The following KDM4C variants were observed in gnomAD, a reference collection of about 807,000 sequenced individuals.
KDM4C encodes lysine-specific demethylase 4C.
Under a neutral mutation model 129.3 loss-of-function variants are expected in KDM4C, and 81 were observed. The observed-to-expected ratio is 0.63, with a 90% CI of 0.52 to 0.75. KDM4C has a LOEUF of 0.75. Ranked by LOEUF, KDM4C falls within the 30% of genes least tolerant of loss-of-function variation. The probability of loss-of-function intolerance (pLI) is 0.00; values close to 1 mark genes in which losing one functional copy is unlikely to be tolerated. For missense variants in KDM4C, 1,457 were observed against 1,304.0 expected (o/e 1.12, Z -1.81); for synonymous variants, 573 against 456.1 (o/e 1.26, Z -3.26).
At chr9:6,834,965 CT>C in intron 4 of KDM4C, 1 of 1,002,210 alleles carries the variant, frequency 1.0e-6, no homozygotes, top group Non-Finnish European at 1.6e-6. Flanking sequence ...GGGATATGCC[CT>C]CCCCCACACC....
At chr9:7,102,148 C>G in intron 17 of KDM4C, among the ~76,000 whole-genome samples, 1 of 152,008 alleles carries the variant, frequency 6.6e-6, no homozygotes, top group Non-Finnish European at 1.5e-5. Context: ...GCCACATCCT[C>G]AACCTCCACT....
intron 8 of KDM4C, among the ~76,000 whole-genome samples, chr9:6,902,425 C>G (rs1563785723): frequency 6.6e-6 from 1 of 152,112 alleles, no homozygotes; most frequent in Non-Finnish European, 1.5e-5. Flanking sequence ...GTAAAAAACC[C>G]AACATAATCA....
At chr9:7,165,974 C>G (rs1194417753) in intron 20 of KDM4C, among the ~76,000 whole-genome samples, 2 of 152,198 alleles carry the variant, frequency 1.3e-5, no homozygotes, top group Non-Finnish European at 2.9e-5. Flanking sequence ...AAATGAATTA[C>G]TTTTATTTCA....
chr9:7,088,475 A>G (rs1835407424), intron 17 of KDM4C, among the ~76,000 whole-genome samples: 2 of 152,196 alleles, frequency 1.3e-5, no homozygotes, highest in South Asian at 2.1e-4. Flanking sequence ...TTTCAAAACT[A>G]TTTGACTTCT....
intron 20 of KDM4C, among the ~76,000 whole-genome samples, chr9:7,168,818 A>G (rs1188819607): frequency 6.6e-6 from 1 of 152,134 alleles, no homozygotes; most frequent in East Asian, 1.9e-4. Context: ...TAATCCCAAC[A>G]CTTTGGGAGG....
chr9:7,096,513 C>T (rs1205430404), intron 17 of KDM4C, among the ~76,000 whole-genome samples: 1 of 152,108 alleles, frequency 6.6e-6, no homozygotes, highest in Non-Finnish European at 1.5e-5. Flanking sequence ...TGCCCTTATT[C>T]CTGTGCCAAG....
At chr9:6,971,293 C>G (rs1442939186) in intron 8 of KDM4C, among the ~76,000 whole-genome samples, 1 of 151,976 alleles carries the variant, frequency 6.6e-6, no homozygotes, top group Admixed American at 6.6e-5. Context: ...GAACATGGGG[C>G]TGATTTCAGC....
At chr9:6,904,522 G>GGC (rs1369647783) in intron 8 of KDM4C, among the ~76,000 whole-genome samples, 3 of 151,628 alleles carry the variant, frequency 2.0e-5, no homozygotes, top group Non-Finnish European at 2.9e-5. Context: ...TCATGGCTCT[G>GGC]TTTGCATTCC....
chr9:6,720,925 G>A (rs1816926087), exon 1 of KDM4C: 2 of 1,550,614 alleles, frequency 1.3e-6, no homozygotes, highest in Non-Finnish European at 1.7e-6. Context: ...CTGCATTCAT[G>A]TGGAAGAGGC....
At position 6,728,001 on chromosome 9, in the gene KDM4C, A is replaced by C. The variant is rs998726199; in HGVS notation, c.49+7004A>C. Among the ~76,000 whole-genome samples the C allele has an allele frequency of 6.0e-5, 9 of 148,928 alleles. No individual in the cohort carries two copies. In the South Asian group the frequency reaches 1.3e-3, roughly 21 times the overall value. ...TTCCCCTCCCCCAATAAGACCGTTT[A>C]AGTGTGTGTTAAACCACTACAGAAT... On this transcript the variant is annotated intron_variant, in intron 1 of 17. Coordinates refer to the KDM4C transcript ENST00000536108.
intron 12 of KDM4C, among the ~76,000 whole-genome samples, chr9:7,003,119 C>T (rs1473212685): frequency 6.6e-6 from 1 of 152,126 alleles, no homozygotes; most frequent in Non-Finnish European, 1.5e-5. Context: ...ATCTGCCTCG[C>T]CCTCCCAAAG....
At chr9:6,890,519 A>G (rs1845966924) in intron 7 of KDM4C, among the ~76,000 whole-genome samples, 1 of 152,196 alleles carries the variant, frequency 6.6e-6, no homozygotes, top group African/African-American at 2.4e-5. Flanking sequence ...CATTTAGATT[A>G]TATCCACTCT....
chr9:7,000,190 C>A (rs1174954011), intron 12 of KDM4C, among the ~76,000 whole-genome samples: 1 of 152,118 alleles, frequency 6.6e-6, no homozygotes, highest in Non-Finnish European at 1.5e-5. Context: ...GTAAATTCCA[C>A]TGGAAGTCCC....
upstream of KDM4C, among the ~76,000 whole-genome samples, chr9:6,754,695 T>C (rs1423717786): frequency 6.6e-6 from 1 of 151,650 alleles, no homozygotes; most frequent in Non-Finnish European, 1.5e-5. Context: ...GGCAACATAG[T>C]GAGACCCTGA....
chr9:7,090,979 A>G (rs182074127), intron 17 of KDM4C, among the ~76,000 whole-genome samples: 64 of 152,338 alleles, frequency 4.2e-4, no homozygotes, highest in South Asian at 1.0e-3. Flanking sequence ...AACTATTAAT[A>G]CTAGTGGAGC....
chr9:6,733,729 G>A (rs1382969468), intron 1 of KDM4C, among the ~76,000 whole-genome samples: 3 of 152,214 alleles, frequency 2.0e-5, no homozygotes, highest in Admixed American at 1.3e-4. Context: ...AGGAATAAAA[G>A]AATGGCTATT....
At chr9:6,736,515 A>G (rs1367993231) in intron 1 of KDM4C, among the ~76,000 whole-genome samples, 1 of 152,132 alleles carries the variant, frequency 6.6e-6, no homozygotes, top group Non-Finnish European at 1.5e-5. Flanking sequence ...GGGCCAAGGT[A>G]CAGCTCAGGC....
At chr9:6,970,191 A>G (rs1831719764) in intron 8 of KDM4C, among the ~76,000 whole-genome samples, 1 of 152,256 alleles carries the variant, frequency 6.6e-6, no homozygotes, top group African/African-American at 2.4e-5. Context: ...TAATTCAGCC[A>G]CATCAGTTCC....
At chr9:7,108,443 C>T (rs1264524462) in intron 18 of KDM4C, among the ~76,000 whole-genome samples, 1 of 152,084 alleles carries the variant, frequency 6.6e-6, no homozygotes, top group Non-Finnish European at 1.5e-5. Flanking sequence ...TACCATGTTG[C>T]CCAGGCTGGT....
Sources: allele counts gnomAD v4.1 joint callset (sites outside exome capture counted in the v4.1 genomes callset), GRCh38; gene constraint gnomAD v4.1.1; transcripts MANE v1.5; gene names NCBI Gene and HGNC (gene_info 2026-07-23, HGNC 2026-07-21).